Variants in UBE2U observed in about 807,000 individuals in gnomAD.
UBE2U encodes the protein ubiquitin-conjugating enzyme E2 U.
In UBE2U, 39 loss-of-function variants were observed where a neutral mutation model predicts 41.2. That is an observed-to-expected ratio of 0.95 (90% confidence interval 0.73 to 1.24). The LOEUF (loss-of-function observed/expected upper bound fraction) is 1.24, where lower values mean the gene tolerates loss of function less well. UBE2U is among the 50% of genes most tolerant of loss of function. The pLI is 0.00. For missense variants in UBE2U, 336 were observed against 363.1 expected (o/e 0.93, Z 0.61); for synonymous variants, 107 against 117.8 (o/e 0.91, Z 0.60).
intron 4 of UBE2U, among the ~76,000 whole-genome samples, chr1:64,214,282 G>A (rs1216367636): frequency 6.6e-6 from 1 of 152,036 alleles, no homozygotes; most frequent in Non-Finnish European, 1.5e-5. Context: ...CTGTGACTAG[G>A]GAGCTGAATT....
intron 9 of UBE2U, among the ~76,000 whole-genome samples, chr1:64,261,963 CA>C (rs1158223933): frequency 1.3e-5 from 2 of 152,160 alleles, no homozygotes; most frequent in African/African-American, 4.8e-5. Flanking sequence ...CTCTTTGACA[CA>C]GAAAATCCTT....
At position 64,246,550 on chromosome 1, in the gene UBE2U, A is replaced by G. The variant is rs545928672; in HGVS notation, c.677+4817A>G. Among the ~76,000 whole-genome samples the G allele has an allele frequency of 1.1e-4, 16 of 151,472 alleles. No homozygotes were observed. The South Asian group carries it at 3.2e-3, about 30-fold the overall frequency. On this transcript the variant is annotated intron_variant, in intron 8 of 9. Transcript: ENST00000371077. ...TCTTGTGGTTAACAAGTGAATTAGC[A>G]TTAGAATGGACACTGCCTGTATTTT...
chr1:64,235,783 C>A (rs1644655911), intron 7 of UBE2U, among the ~76,000 whole-genome samples: 1 of 152,088 alleles, frequency 6.6e-6, no homozygotes, highest in African/African-American at 2.4e-5. Flanking sequence ...TTGTATAATG[C>A]AGTTTATGAA....
At chr1:64,248,369 G>A (rs1644955067) in intron 8 of UBE2U, among the ~76,000 whole-genome samples, 1 of 152,106 alleles carries the variant, frequency 6.6e-6, no homozygotes, top group African/African-American at 2.4e-5. Context: ...ATCAGAAGAA[G>A]GCAGGAATGA....
In UBE2U at chr1:64,239,181, G is replaced by GAAGAAGAAGAAGAAGAAGA; in HGVS notation, c.596-2460_596-2459insGAAGAAGAAAGAAGAAGAA. Among the ~76,000 whole-genome samples, 4 of 134,728 alleles carry GAAGAAGAAGAAGAAGAAGA rather than the reference G, an allele frequency of 3.0e-5. No individual in the cohort carries two copies. The Admixed American group carries it at 3.0e-4, about 10-fold the overall frequency. The allele number at this position is 134,728 out of a possible 152,430, so 88.4% of individuals were successfully genotyped here. ...GAAAGAAGAAGAAGAAGAAGAAGAA[G>GAAGAAGAAGAAGAAGAAGA]AAGAAGAAGAAAGCCCCAGACAAGG... On this transcript the variant is annotated intron_variant, in intron 7 of 9. Transcript: ENST00000371077.
chr1:64,239,266 A>G lies in UBE2U; in HGVS notation c.596-2386A>G, dbSNP rs113831749. ...AGTTCGACTGTAAGCTAAGCTCAGAACAATAATAAGAAATAGGAAAATAGA... is the reference window on the plus strand; with the variant it reads ...AGTTCGACTGTAAGCTAAGCTCAGAGCAATAATAAGAAATAGGAAAATAGA... On this transcript the variant is annotated intron_variant, in intron 7 of 9. Coordinates refer to ENST00000371077, the MANE Select transcript of UBE2U (RefSeq NM_001366232.2). Among the ~76,000 whole-genome samples the G allele has an allele frequency of 2.7e-3, 415 of 152,206 alleles. 2 individuals carry two copies. Among genetic ancestry groups the G allele is most frequent in the African/African-American group, 9.6e-3 (397 of 41,518 alleles).
chr1:64,244,788 A>G (rs980734688), intron 8 of UBE2U, among the ~76,000 whole-genome samples: 9 of 152,200 alleles, frequency 5.9e-5, no homozygotes, highest in Admixed American at 3.9e-4. Context: ...AAGAGGGACC[A>G]GGGCAGGGAT....
chr1:64,206,913 C>G, intron 3 of UBE2U, 57 bp downstream of exon 3: 2 of 978,772 alleles, frequency 2.0e-6, no homozygotes, highest in Non-Finnish European at 3.1e-6. Flanking sequence ...ATCCTTGTTT[C>G]TTATAATAAT....
intron 1 of UBE2U, among the ~76,000 whole-genome samples, chr1:64,204,452 A>G (rs922995489): frequency 5.3e-5 from 8 of 152,130 alleles, no homozygotes; most frequent in Non-Finnish European, 8.8e-5. Flanking sequence ...GTAGTATTTC[A>G]TTTTACTTAC....
intron 7 of UBE2U, among the ~76,000 whole-genome samples, chr1:64,237,621 C>T (rs1256118367): frequency 2.6e-5 from 4 of 152,136 alleles, no homozygotes; most frequent in South Asian, 2.1e-4. Context: ...GATAAGAAGA[C>T]ACATTGTGCT....
chr1:64,221,205 C>A (rs990503432), intron 6 of UBE2U, among the ~76,000 whole-genome samples: 2 of 152,038 alleles, frequency 1.3e-5, no homozygotes, highest in African/African-American at 4.8e-5. Context: ...TCAGCCTCCA[C>A]GGTTCAAGCG....
intron 6 of UBE2U, 49 bp downstream of exon 6, chr1:64,220,956 T>G (rs1187527017): frequency 7.7e-7 from 1 of 1,304,688 alleles, no homozygotes; most frequent in Non-Finnish European, 1.1e-6. Context: ...CCAAAAGGAC[T>G]ATTTATTTAA....
At chr1:64,205,519 CTTA>C in intron 1 of UBE2U, 117 bp from the exon 2 acceptor site, 3 of 783,378 alleles carry the variant, frequency 3.8e-6, no homozygotes, top group Non-Finnish European at 6.1e-6. Context: ...AATAAATAAA[CTTA>C]TCAAGGAAAG....
At chr1:64,215,063 T>C (rs1651906775) in intron 5 of UBE2U, 131 bp downstream of exon 5, 6 of 613,652 alleles carry the variant, frequency 9.8e-6, no homozygotes, top group Non-Finnish European at 1.2e-5. Context: ...AGAAACCCTG[T>C]CTCTACTAAA....
At chr1:64,222,995 T>C (rs1244601392) in intron 6 of UBE2U, among the ~76,000 whole-genome samples, 1 of 152,198 alleles carries the variant, frequency 6.6e-6, no homozygotes, top group Non-Finnish European at 1.5e-5. Flanking sequence ...GTGCTAGTCA[T>C]CTGGGATGTT....
At chr1:64,214,247 C>T (rs1377859932) in intron 4 of UBE2U, among the ~76,000 whole-genome samples, 1 of 152,140 alleles carries the variant, frequency 6.6e-6, no homozygotes, top group Non-Finnish European at 1.5e-5. Flanking sequence ...TCATATGTGG[C>T]TACTGAGCAC....
chr1:64,206,919 A>G, intron 3 of UBE2U, 63 bp downstream of exon 3: 1 of 944,450 alleles, frequency 1.1e-6, no homozygotes, highest in Non-Finnish European at 1.6e-6. Flanking sequence ...GTTTCTTATA[A>G]TAATCATGTT....
intron 8 of UBE2U, among the ~76,000 whole-genome samples, chr1:64,259,180 T>C (rs554436691): frequency 6.6e-6 from 1 of 152,214 alleles, no homozygotes; most frequent in Non-Finnish European, 1.5e-5. Context: ...TTTGTTTTTT[T>C]CTTATAAATT....
At chr1:64,221,929 A>G (rs547334171) in intron 6 of UBE2U, among the ~76,000 whole-genome samples, 145 of 152,124 alleles carry the variant, frequency 9.5e-4, no homozygotes, top group Middle Eastern at 3.4e-3. Flanking sequence ...ACTAAAAAAT[A>G]CAAAAAAATT....
Sources: allele counts gnomAD v4.1 joint callset (sites outside exome capture counted in the v4.1 genomes callset), GRCh38; gene constraint gnomAD v4.1.1; transcripts MANE v1.5; gene names NCBI Gene and HGNC (gene_info 2026-07-23, HGNC 2026-07-21).